The following TMEM132C variants were observed in gnomAD, a reference collection of about 807,000 sequenced individuals.
TMEM132C encodes protein phosphatase 1, regulatory subunit 152.
A neutral mutation model predicts 61.4 loss-of-function variants in TMEM132C; 29 were observed. The observed-to-expected ratio is 0.47, with a 90% CI of 0.35 to 0.64. The LOEUF (loss-of-function observed/expected upper bound fraction) is 0.64. Ranked by LOEUF, TMEM132C falls within the 30% of genes least tolerant of loss-of-function variation. The probability of loss-of-function intolerance (pLI) is 0.00; values close to 1 mark genes in which losing one functional copy is unlikely to be tolerated. For synonymous variants in TMEM132C, 656 were observed against 633.1 expected (o/e 1.04, Z -0.54); for missense variants, 1,408 against 1,476.9 (o/e 0.95, Z 0.76).
chr12:128,346,959 C>A (rs1593019572), intron 1 of TMEM132C, among the ~76,000 whole-genome samples: 1 of 152,146 alleles, frequency 6.6e-6, no homozygotes, highest in South Asian at 2.1e-4. Flanking sequence ...TTTTGGGAAA[C>A]AGGTTGTTTT....
chr12:128,270,883 T>A (rs1870488686), intron 1 of TMEM132C, among the ~76,000 whole-genome samples: 1 of 152,228 alleles, frequency 6.6e-6, no homozygotes, highest in African/African-American at 2.4e-5. Context: ...TTACTAGTGC[T>A]TGCGAACTTC....
At chr12:128,622,354 AAAAAAAAT>A (rs1310977097) in intron 4 of TMEM132C, among the ~76,000 whole-genome samples, 10 of 66,276 alleles carry the variant, frequency 1.5e-4, no homozygotes, top group African/African-American at 6.3e-4. Context: ...AAAAAAAAAA[AAAAAAAAT>A]ATATATATAT....
chr12:128,366,335 C>A (rs1015890653), intron 1 of TMEM132C, among the ~76,000 whole-genome samples: 1 of 152,224 alleles, frequency 6.6e-6, no homozygotes, highest in African/African-American at 2.4e-5. Context: ...CCATTTCCCC[C>A]CAGCGTGGAC....
intron 2 of TMEM132C, among the ~76,000 whole-genome samples, chr12:128,498,569 G>A (rs1872049778): frequency 6.6e-6 from 1 of 152,036 alleles, no homozygotes; most frequent in South Asian, 2.1e-4. Flanking sequence ...CAGCTACTCA[G>A]GAGGCTGAGG....
intron 4 of TMEM132C, among the ~76,000 whole-genome samples, chr12:128,665,457 A>T (rs1478843861): frequency 6.6e-6 from 1 of 150,890 alleles, no homozygotes; most frequent in East Asian, 2.0e-4. Context: ...GTAGGCACTC[A>T]CACACACACA....
intron 1 of TMEM132C, among the ~76,000 whole-genome samples, chr12:128,356,195 A>G (rs945508297): frequency 6.6e-6 from 1 of 152,200 alleles, no homozygotes; most frequent in Non-Finnish European, 1.5e-5. Context: ...GCCAGGTTGT[A>G]TGGAAAACGC....
chr12:128,292,980 G>A (rs1268451761), intron 1 of TMEM132C, among the ~76,000 whole-genome samples: 1 of 149,404 alleles, frequency 6.7e-6, no homozygotes, highest in Non-Finnish European at 1.5e-5. Context: ...ATGCAAGCAC[G>A]AGCACCAACT....
chr12:128,346,636 C>T (rs1873167662), intron 1 of TMEM132C, among the ~76,000 whole-genome samples: 1 of 152,052 alleles, frequency 6.6e-6, no homozygotes, highest in African/African-American at 2.4e-5. Flanking sequence ...TACCTGTATT[C>T]CTAGATATTT....
At chr12:128,327,662 C>T (rs992560472) in intron 1 of TMEM132C, among the ~76,000 whole-genome samples, 2 of 152,028 alleles carry the variant, frequency 1.3e-5, no homozygotes, top group African/African-American at 2.4e-5. Context: ...GGATTACAGG[C>T]GTGAGCCACT....
chr12:128,510,345 C>T (rs1200243176), intron 2 of TMEM132C, among the ~76,000 whole-genome samples: 1 of 152,208 alleles, frequency 6.6e-6, no homozygotes, highest in Admixed American at 6.5e-5. Context: ...GCACATCGAT[C>T]ACCATCATAA....
rs112665891 is a variant in TMEM132C, at chr12:128,480,570, G to A, written c.975-63387G>A. Among the ~76,000 whole-genome samples the A allele has an allele frequency of 9.8e-3, 1,485 of 152,264 alleles. 25 individuals are homozygous for A. Among genetic ancestry groups the A allele is most frequent in the African/African-American group, 0.033 (1,387 of 41,552 alleles). On this transcript the variant is annotated intron_variant, in intron 2 of 8. Transcript: ENST00000435159. ...CCCCTTTTCTGAGGCTGCAGTCCCC[G>A]TTGCTGCAGCACCCCGGGGCCTTCT...
chr12:128,441,254 G>T (rs1415126008), intron 2 of TMEM132C, among the ~76,000 whole-genome samples: 1 of 152,186 alleles, frequency 6.6e-6, no homozygotes, highest in Non-Finnish European at 1.5e-5. Context: ...CAGGGCACAT[G>T]CATCCAGTTC....
At chr12:128,453,034 G>A (rs1240199927) in intron 2 of TMEM132C, among the ~76,000 whole-genome samples, 1 of 152,210 alleles carries the variant, frequency 6.6e-6, no homozygotes, top group African/African-American at 2.4e-5. Flanking sequence ...GGCTCTTCCA[G>A]GGGGCTTCTA....
At chr12:128,587,685 C>G (rs73426474) in intron 3 of TMEM132C, among the ~76,000 whole-genome samples, 5,333 of 152,266 alleles carry the variant, frequency 0.035, 334 homozygotes, top group African/African-American at 0.12. Flanking sequence ...AGCCTTCAAG[C>G]TCAGGACTTT....
At chr12:128,522,725 G>A (rs1336380540) in intron 2 of TMEM132C, among the ~76,000 whole-genome samples, 3 of 152,142 alleles carry the variant, frequency 2.0e-5, no homozygotes, top group African/African-American at 7.2e-5. Flanking sequence ...CTGAGATGTG[G>A]CCACAAGCAA....
chr12:128,496,951 A>G (rs1871983344), intron 2 of TMEM132C, among the ~76,000 whole-genome samples: 1 of 151,786 alleles, frequency 6.6e-6, no homozygotes, highest in Non-Finnish European at 1.5e-5. Flanking sequence ...TTTTTTCCCG[A>G]TCTTTGTGGT....
intron 5 of TMEM132C, among the ~76,000 whole-genome samples, chr12:128,679,020 G>C (rs1367464545): frequency 1.3e-5 from 2 of 152,206 alleles, no homozygotes; most frequent in African/African-American, 4.8e-5. Context: ...ACCTCTCTGA[G>C]CCTCAGTGTC....
rs1308570970 is a variant in TMEM132C at position 128,543,951 on chromosome 12, C to G, written c.975-6C>G. On this transcript the variant is annotated splice_region_variant and splice_polypyrimidine_tract_variant and intron_variant, in intron 2 of 8. Coordinates refer to ENST00000435159, the MANE Select transcript of TMEM132C (RefSeq NM_001136103.3). ...CTCTCTCTCTCTCCCATCTTCATCCCCACAGAGCCAAGGTGAAGAAGGGGG... is the reference window on the plus strand; with the variant it reads ...CTCTCTCTCTCTCCCATCTTCATCCGCACAGAGCCAAGGTGAAGAAGGGGG... 6.5e-7 allele frequency: 1 copy of G among 1,544,086 alleles called. No individual in the cohort carries two copies. The highest frequency in any genetic ancestry group is 1.2e-5 in the South Asian group (1 of 82,488).
chr12:128,595,371 C>G (rs1565985302), intron 3 of TMEM132C, among the ~76,000 whole-genome samples: 1 of 152,178 alleles, frequency 6.6e-6, no homozygotes, highest in Non-Finnish European at 1.5e-5. Flanking sequence ...CCTGGCTTCC[C>G]AAAGTGTTGG....
Sources: gnomAD v4.1 joint callset for allele counts (sites outside exome capture counted in the v4.1 genomes callset) on GRCh38, gnomAD v4.1.1 for gene constraint, MANE v1.5 for transcripts, NCBI Gene and HGNC (gene_info 2026-07-23, HGNC 2026-07-21) for gene names.